Variants in UTRN observed in about 807,000 individuals in gnomAD.
UTRN encodes dystrophin-related protein 1.
In UTRN, 283 loss-of-function variants were observed where a neutral mutation model predicts 463.9. The observed-to-expected ratio is 0.61, with a 90% CI of 0.55 to 0.67. The LOEUF is 0.67. Among genes scored for constraint, UTRN ranks in the 30% least tolerant of loss-of-function variants. The pLI, the probability that UTRN is intolerant of heterozygous loss-of-function variation, is 0.00. For missense variants in UTRN, 3,922 were observed against 4,084.3 expected, an observed-to-expected ratio of 0.96 and a Z score of 1.08; for synonymous variants, 1,442 against 1,431.5, an observed-to-expected ratio of 1.01 and a Z score of -0.17.
chr6:144,569,426 C>T (rs952297717), intron 50 of UTRN, among the ~76,000 whole-genome samples: 1 of 151,860 alleles, frequency 6.6e-6, no homozygotes, highest in African/African-American at 2.4e-5. Flanking sequence ...TTCACATTTG[C>T]ATGCAATAAG....
At chr6:144,681,964 C>T (rs1267761802) in intron 52 of UTRN, among the ~76,000 whole-genome samples, 1 of 152,140 alleles carries the variant, frequency 6.6e-6, no homozygotes, top group Non-Finnish European at 1.5e-5. Context: ...TCCCCTCAAG[C>T]ATTTATCTTT....
intron 1 of UTRN, among the ~76,000 whole-genome samples, chr6:144,291,380 C>T (rs1804234865): frequency 6.6e-6 from 1 of 152,176 alleles, no homozygotes; most frequent in South Asian, 2.1e-4. Context: ...AAATTCTTGT[C>T]ATCTTTAAAG....
intron 2 of UTRN, among the ~76,000 whole-genome samples, chr6:144,310,459 C>G (rs1157802147): frequency 6.6e-6 from 1 of 151,268 alleles, no homozygotes; most frequent in African/African-American, 2.4e-5. Context: ...TCGCTTGAAC[C>G]TGGGAGGCGG....
At chr6:144,808,069 G>C (rs1051268872) in intron 65 of UTRN, among the ~76,000 whole-genome samples, 1 of 151,994 alleles carries the variant, frequency 6.6e-6, no homozygotes, top group Non-Finnish European at 1.5e-5. Flanking sequence ...ACACACACAC[G>C]CAGTTAGCAC....
At chr6:144,778,524 C>T (rs2128736680) in intron 60 of UTRN, among the ~76,000 whole-genome samples, 1 of 151,950 alleles carries the variant, frequency 6.6e-6, no homozygotes, top group South Asian at 2.1e-4. Context: ...GAGTGAGGGC[C>T]TCAGGCTCAC....
At chr6:144,419,032 A>G (rs1274578845) in intron 3 of UTRN, among the ~76,000 whole-genome samples, 1 of 151,730 alleles carries the variant, frequency 6.6e-6, no homozygotes, top group Admixed American at 6.6e-5. Context: ...TATTTTTGCT[A>G]TGCCTAAGAC....
intron 53 of UTRN, among the ~76,000 whole-genome samples, chr6:144,725,884 G>T (rs1787821231): frequency 6.6e-6 from 1 of 152,176 alleles, no homozygotes; most frequent in African/African-American, 2.4e-5. Context: ...TGGTGCATTG[G>T]CATGAGGGCC....
chr6:144,558,845 A>G (rs1799613862), intron 50 of UTRN, among the ~76,000 whole-genome samples: 1 of 152,092 alleles, frequency 6.6e-6, no homozygotes, highest in Admixed American at 6.6e-5. Flanking sequence ...ACAAAAGGCT[A>G]TAACAAGTGT....
intron 51 of UTRN, among the ~76,000 whole-genome samples, chr6:144,625,466 CTT>C (rs1775850216): frequency 6.6e-6 from 1 of 152,120 alleles, no homozygotes; most frequent in African/African-American, 2.4e-5. Context: ...GACTTCTTGA[CTT>C]TGTTGGTTTT....
At chr6:144,766,123 C>A (rs1461193212) in intron 58 of UTRN, among the ~76,000 whole-genome samples, 3 of 151,496 alleles carry the variant, frequency 2.0e-5, no homozygotes, top group African/African-American at 7.3e-5. Context: ...ACACACACAC[C>A]CACACCCACA....
At chr6:144,292,710 C>T (rs1804355071) in intron 2 of UTRN, among the ~76,000 whole-genome samples, 1 of 152,128 alleles carries the variant, frequency 6.6e-6, no homozygotes, top group Admixed American at 6.5e-5. Flanking sequence ...AGAACTCCAC[C>T]CTGAGTGTGA....
intron 3 of UTRN, among the ~76,000 whole-genome samples, chr6:144,403,896 A>T (rs1562349466): frequency 6.6e-6 from 1 of 152,100 alleles, no homozygotes. Flanking sequence ...ATTGTTTAGG[A>T]CTCTTCTACA....
Position 144,844,567 on chromosome 6 carries a change from C to T in UTRN, c.10271-2238C>T, listed in dbSNP as rs532568891. 3.2e-4 allele frequency among the ~76,000 whole-genome samples: 48 copies of T among 152,286 alleles called. 1 individual carries two copies. The South Asian group carries it at 9.5e-3, about 30-fold the overall frequency. ...TACACGCGTGAGCCACCACACCCGG[C>T]CCCAATACATGTTTCTGACTTGAGT... On this transcript the variant is annotated intron_variant, in intron 73 of 74. Coordinates refer to ENST00000367545, the MANE Select transcript of UTRN (RefSeq NM_007124.3).
chr6:144,762,268 G>T (rs369973969), intron 58 of UTRN, among the ~76,000 whole-genome samples: 1 of 152,288 alleles, frequency 6.6e-6, no homozygotes. Flanking sequence ...TCACTATGCG[G>T]TGCTGTGTCC....
At chr6:144,680,907 A>G (rs1159508227) in intron 52 of UTRN, among the ~76,000 whole-genome samples, 1 of 152,200 alleles carries the variant, frequency 6.6e-6, no homozygotes, top group African/African-American at 2.4e-5. Flanking sequence ...ATGGCTAACA[A>G]AAAGACAGAG....
rs544299925 is a variant in UTRN, at chr6:144,530,721, C to T, written c.5907-331C>T. Reference sequence around the variant, plus strand: ...CTGCATCTTTTTAGTTAAAAAGCTGCTCGAGTGTGTGTGTGAGTGTGTTTG... The same window carrying T: ...CTGCATCTTTTTAGTTAAAAAGCTGTTCGAGTGTGTGTGTGAGTGTGTTTG... On this transcript the variant is annotated intron_variant, in intron 41 of 74. Transcript: ENST00000367545. 3.6e-4 allele frequency among the ~76,000 whole-genome samples: 54 copies of T among 151,972 alleles called. No homozygotes were observed. The Middle Eastern group carries it at 0.01, about 29-fold the overall frequency.
At chr6:144,597,235 C>CAAAAA (rs67471247) in intron 51 of UTRN, among the ~76,000 whole-genome samples, 2,077 of 85,604 alleles carry the variant, frequency 0.024, 70 homozygotes, top group African/African-American at 0.069. Flanking sequence ...GAGACTGTCT[C>CAAAAA]AAAAAAAAAA....
intron 12 of UTRN, among the ~76,000 whole-genome samples, chr6:144,439,745 C>G (rs1258236195): frequency 1.3e-5 from 2 of 152,160 alleles, no homozygotes; most frequent in Non-Finnish European, 1.5e-5. Flanking sequence ...TCAAGTGATC[C>G]GCCTGCCTTG....
intron 53 of UTRN, among the ~76,000 whole-genome samples, chr6:144,718,488 A>G (rs1786750628): frequency 6.6e-6 from 1 of 152,208 alleles, no homozygotes; most frequent in South Asian, 2.1e-4. Context: ...TTTATTCTAC[A>G]GCACTGAATA....
Sources: gnomAD v4.1 joint callset for allele counts (sites outside exome capture counted in the v4.1 genomes callset) on GRCh38, gnomAD v4.1.1 for gene constraint, MANE v1.5 for transcripts, NCBI Gene and HGNC (gene_info 2026-07-23, HGNC 2026-07-21) for gene names.